PRELID2: variants seen among roughly 807,000 people sequenced by gnomAD.
PRELID2 encodes PRELI domain containing 2.
PRELID2 carries 25 observed loss-of-function variants against 28.4 expected under a neutral mutation model. The ratio of observed to expected loss-of-function variants is 0.88; its 90% confidence interval spans 0.64 to 1.23. The LOEUF (loss-of-function observed/expected upper bound fraction) is 1.23. PRELID2 is among the 50% of genes most tolerant of loss of function. PRELID2 has a pLI of 0.00. For missense variants in PRELID2, 201 were observed against 214.4 expected, an observed-to-expected ratio of 0.94 and a Z score of 0.39; for synonymous variants, 76 against 71.6, an observed-to-expected ratio of 1.06 and a Z score of -0.31.
the PRELID2 span, among the ~76,000 whole-genome samples, chr5:145,387,951 A>T: frequency 6.6e-6 from 1 of 151,908 alleles, no homozygotes; most frequent in Non-Finnish European, 1.5e-5. Flanking sequence ...AAAAAAAAAA[A>T]AGACACTAAA....
chr5:145,375,631 A>G, the PRELID2 span, among the ~76,000 whole-genome samples: 1 of 152,198 alleles, frequency 6.6e-6, no homozygotes. Context: ...CTAGGGGCTC[A>G]GGCCCAGGGA....
At chr5:145,727,913 T>G (rs1756220909) in intron 1 of PRELID2, among the ~76,000 whole-genome samples, 1 of 152,206 alleles carries the variant, frequency 6.6e-6, no homozygotes, top group Admixed American at 6.5e-5. Context: ...CATTTCCTAT[T>G]GCTAGCACAA....
intron 1 of PRELID2, among the ~76,000 whole-genome samples, chr5:145,599,163 TAGTA>T (rs1753352894): frequency 6.6e-6 from 1 of 152,302 alleles, no homozygotes; most frequent in African/African-American, 2.4e-5. Flanking sequence ...TACACCTTAG[TAGTA>T]AGTATTTATT....
At chr5:145,377,932 G>A in the PRELID2 span, among the ~76,000 whole-genome samples, 3 of 152,108 alleles carry the variant, frequency 2.0e-5, no homozygotes, top group Non-Finnish European at 4.4e-5. Context: ...TGTTTATGTG[G>A]TTGCTTTATA....
the PRELID2 span, among the ~76,000 whole-genome samples, chr5:145,312,278 G>C: frequency 5.3e-5 from 8 of 152,208 alleles, no homozygotes; most frequent in African/African-American, 1.9e-4. Context: ...TTGAGCCCAG[G>C]AGGTCGAGGC....
At chr5:145,826,276 T>A in intron 1 of PRELID2, 2 of 674,040 alleles carry the variant, frequency 3.0e-6, no homozygotes, top group South Asian at 6.6e-5. Context: ...CAGGTTCACA[T>A]GGGATTCTTC....
chr5:145,715,596 G>A (rs931519079), intron 1 of PRELID2, among the ~76,000 whole-genome samples: 1 of 152,090 alleles, frequency 6.6e-6, no homozygotes, highest in Non-Finnish European at 1.5e-5. Flanking sequence ...CCACCCACAT[G>A]ATTGGATGCC....
At chr5:145,659,047 C>G (rs940873302) in intron 1 of PRELID2, among the ~76,000 whole-genome samples, 2 of 152,162 alleles carry the variant, frequency 1.3e-5, no homozygotes, top group South Asian at 2.1e-4. Context: ...AATGAACCTA[C>G]AGCAGAGGGA....
intron 1 of PRELID2, among the ~76,000 whole-genome samples, chr5:145,638,184 T>C (rs1754035027): frequency 1.3e-5 from 2 of 152,224 alleles, no homozygotes; most frequent in African/African-American, 4.8e-5. Flanking sequence ...GTACTACTAC[T>C]ACTACCAGTA....
chr5:145,463,077 AC>A, the PRELID2 span, among the ~76,000 whole-genome samples: 1 of 152,164 alleles, frequency 6.6e-6, no homozygotes, highest in Admixed American at 6.5e-5. Context: ...ATGAAACTGA[AC>A]ATAAAATGAT....
At chr5:145,752,480 G>A (rs562750763), downstream of PRELID2, among the ~76,000 whole-genome samples, 28 of 152,242 alleles carry the variant, frequency 1.8e-4, no homozygotes, top group African/African-American at 4.3e-4. Context: ...GCAGAAAAGC[G>A]TCATTAAACT....
chr5:145,405,523 A>C, the PRELID2 span, among the ~76,000 whole-genome samples: 1 of 152,076 alleles, frequency 6.6e-6, no homozygotes, highest in Non-Finnish European at 1.5e-5. Context: ...ACTTAACATA[A>C]TGACCTCCAG....
the PRELID2 span, among the ~76,000 whole-genome samples, chr5:145,346,741 T>C: frequency 6.6e-6 from 1 of 152,188 alleles, no homozygotes; most frequent in Non-Finnish European, 1.5e-5. Context: ...TGATATGTTT[T>C]AGTCTGTCAA....
At chr5:145,511,297 A>T (rs1238783457) in intron 1 of PRELID2, among the ~76,000 whole-genome samples, 1 of 152,258 alleles carries the variant, frequency 6.6e-6, no homozygotes, top group Non-Finnish European at 1.5e-5. Context: ...TAATTAAAAA[A>T]TAGTACCGTT....
At chr5:145,535,983 C>A (rs960573574) in intron 1 of PRELID2, among the ~76,000 whole-genome samples, 2 of 151,846 alleles carry the variant, frequency 1.3e-5, no homozygotes, top group African/African-American at 4.8e-5. Flanking sequence ...GATAAAATGG[C>A]AGAGCAGCCC....
At chr5:145,279,154 A>G in the PRELID2 span, among the ~76,000 whole-genome samples, 1 of 152,202 alleles carries the variant, frequency 6.6e-6, no homozygotes, top group African/African-American at 2.4e-5. Context: ...AAAGGCTTCC[A>G]GAATAGGAGG....
chr5:145,425,340 A>T, the PRELID2 span, among the ~76,000 whole-genome samples: 1 of 152,212 alleles, frequency 6.6e-6, no homozygotes, highest in Non-Finnish European at 1.5e-5. Flanking sequence ...TATAGAAGAC[A>T]GTATGGTGAT....
At chr5:145,457,327 C>T in the PRELID2 span, among the ~76,000 whole-genome samples, 12 of 152,042 alleles carry the variant, frequency 7.9e-5, no homozygotes, top group Non-Finnish European at 1.6e-4. Context: ...AAGCAAAGAT[C>T]CTTGAACCAT....
intron 1 of PRELID2, among the ~76,000 whole-genome samples, chr5:145,730,927 AC>A (rs1390004835): frequency 1.3e-5 from 2 of 152,006 alleles, no homozygotes; most frequent in Admixed American, 6.6e-5. Context: ...AGACATTCCA[AC>A]CCCACCATAA....
Sources: allele counts gnomAD v4.1 joint callset (sites outside exome capture counted in the v4.1 genomes callset), GRCh38; gene constraint gnomAD v4.1.1; transcripts MANE v1.5; gene names NCBI Gene and HGNC (gene_info 2026-07-23, HGNC 2026-07-21).